Variants in RAB36 observed in about 807,000 individuals in gnomAD.
The protein encoded by RAB36 is ras-related protein Rab-36.
RAB36 carries 33 observed loss-of-function variants against 39.3 expected under a neutral mutation model. That is an observed-to-expected ratio of 0.84 (90% CI 0.64 to 1.12). The LOEUF is 1.12. Ranked by LOEUF, RAB36 falls within the 50% of genes most tolerant of loss-of-function variation. The pLI, the probability that RAB36 is intolerant of heterozygous loss-of-function variation, is 0.00. For missense variants in RAB36, 308 were observed against 355.3 expected, an observed-to-expected ratio of 0.87 and a Z score of 1.07; for synonymous variants, 133 against 140.2, an observed-to-expected ratio of 0.95 and a Z score of 0.36.
rs768670487 is a variant in RAB36 at position 23,158,963 on chromosome 22, C to T, written c.512C>T (p.Thr171Ile). 3.1e-5 allele frequency: 50 copies of T among 1,614,060 alleles called. No homozygotes were observed. The highest frequency in any genetic ancestry group is 4.0e-5 in the Non-Finnish European group (47 of 1,180,006). The stretch of plus-strand genomic sequence containing the variant: ...TCCTGCTTCATCTTCCTCGTGGGAA[C>T]CAAGAAGGACCTTCTGGTGAGCAGA... The part of the protein sequence containing the change: ...AGSCFIFLVG[T>I]KKDLLSGAAC... Residue 171 changes from threonine to isoleucine, a missense_variant, in exon 8 of 11, where the codon ACC (threonine) becomes ATC (isoleucine). Physicochemically the swap from Thr to Ile is moderately conservative, Grantham distance 89. Coordinates refer to ENST00000263116, the MANE Select transcript of RAB36 (RefSeq NM_004914.5).
chr22:23,161,734 C>T lies in RAB36; in HGVS notation c.*170C>T, dbSNP rs556791964. ...CGGGCTCAGCTCCAGGGCACAGTCA[C>T]TTGTCCGTTGCAGGTTGGGCACTAG... On this transcript the variant is annotated 3_prime_UTR_variant, in exon 11 of 11. Coordinates refer to ENST00000263116, the MANE Select transcript of RAB36 (RefSeq NM_004914.5). 6 of 612,616 alleles carry T rather than the reference C, an allele frequency of 9.8e-6. 1 individual carries two copies. Among genetic ancestry groups the T allele is most frequent in the Admixed American group, 5.9e-5 (2 of 33,728 alleles). 37.9% of individuals were successfully genotyped at this position (612,616 alleles called of 1,614,324 possible).
At chr22:23,146,161 A>G in intron 1 of RAB36, 1 of 299,096 alleles carries the variant, frequency 3.3e-6, no homozygotes, top group Non-Finnish European at 4.9e-6. Context: ...AGATTGAGAG[A>G]AATGGCCTCT....
chr22:23,150,781 C>T (rs746957448), intron 3 of RAB36, among the ~76,000 whole-genome samples: 3 of 152,182 alleles, frequency 2.0e-5, no homozygotes, highest in Admixed American at 6.5e-5. Flanking sequence ...CAGGTCTCAG[C>T]GTGTCAAGTC....
downstream of RAB36, among the ~76,000 whole-genome samples, chr22:23,168,705 C>T (rs559388437): frequency 1.1e-4 from 17 of 152,310 alleles, 1 homozygote; most frequent in Admixed American, 1.0e-3. Flanking sequence ...TGGCCTCCTC[C>T]CCTTTGTCCA....
At chr22:23,152,385 G>A in intron 3 of RAB36, 76 bp from the exon 4 acceptor site, 1 of 1,479,792 alleles carries the variant, frequency 6.8e-7, no homozygotes, top group Non-Finnish European at 9.4e-7. Flanking sequence ...GAGAGCTCAG[G>A]GAAGGAAGGG....
chr22:23,161,078 G>A (rs2071758130), intron 10 of RAB36, 80 bp downstream of exon 10: 3 of 1,503,408 alleles, frequency 2.0e-6, no homozygotes, highest in Non-Finnish European at 2.7e-6. Flanking sequence ...CGTCACCTGA[G>A]GCCTTGCCAT....
chr22:23,165,371 C>A lies in RAB36; in HGVS notation c.*3807C>A, dbSNP rs943596069. ...TTGTGCCTCATCCCTCACTTGCAAA[C>A]CCCAGTCCTGTCTGACCCAGAGACC... On this transcript the variant is annotated 3_prime_UTR_variant, in exon 11 of 11. Coordinates refer to ENST00000263116, the MANE Select transcript of RAB36 (RefSeq NM_004914.5). 6.6e-6 allele frequency among the ~76,000 whole-genome samples: 1 copy of A among 152,210 alleles called. No individual in the cohort carries two copies. Among genetic ancestry groups the A allele is most frequent in the African/African-American group, 2.4e-5 (1 of 41,450 alleles).
At chr22:23,157,887 GGGGGGCTGCCCTGGCAGTTC>G in intron 6 of RAB36, 85 bp from the exon 7 acceptor site, 2 of 1,580,086 alleles carry the variant, frequency 1.3e-6, no homozygotes, top group Non-Finnish European at 1.7e-6. Context: ...GTGCCTGGTT[GGGGGGCTGCCCTGGCAGTTC>G]CTTGGGAGCT....
chr22:23,153,570 A>G, intron 5 of RAB36: 1 of 985,260 alleles, frequency 1.0e-6, no homozygotes, highest in South Asian at 4.7e-5. Flanking sequence ...AGGCTTGGGC[A>G]AGGAGGGCTG....
chr22:23,166,968 G>C (rs906353693), downstream of RAB36, among the ~76,000 whole-genome samples: 1 of 152,074 alleles, frequency 6.6e-6, no homozygotes, highest in Non-Finnish European at 1.5e-5. Flanking sequence ...CTGGAAGCTC[G>C]TTTAACCACA....
Position 23,158,185 on chromosome 22 carries a change from G to C in RAB36, c.446+142G>C, listed in dbSNP as rs1004932. The C allele has an allele frequency of 8.3e-3, 12,447 of 1,496,694 alleles. 890 individuals are homozygous for C. In the African/African-American group the frequency reaches 0.15, roughly 19 times the overall value. 92.7% of individuals were successfully genotyped at this position (1,496,694 alleles called of 1,614,324 possible). ...CCCTTGTCAGAACCAGCTGCCCACGGACTACTTACTGTCCAACTGCCTTTA... is the reference window on the plus strand; with the variant it reads ...CCCTTGTCAGAACCAGCTGCCCACGCACTACTTACTGTCCAACTGCCTTTA... On this transcript the variant is annotated intron_variant, in intron 7 of 10. Coordinates refer to ENST00000263116, the MANE Select transcript of RAB36 (RefSeq NM_004914.5).
At chr22:23,161,105 CCT>C in intron 10 of RAB36, 107 bp downstream of exon 10, 2 of 1,348,962 alleles carry the variant, frequency 1.5e-6, no homozygotes, top group East Asian at 4.8e-5. Context: ...AACTTGTGGC[CCT>C]CTCCTGTCCT....
intron 7 of RAB36, 89 bp from the exon 8 acceptor site, chr22:23,158,809 A>C: frequency 8.6e-7 from 1 of 1,163,842 alleles, no homozygotes. Flanking sequence ...CCAGCACTTC[A>C]GCCCTGGGGA....
Position 23,145,514 on chromosome 22 carries a change from C to T in RAB36, c.-50C>T, listed in dbSNP as rs9624036. The T allele has an allele frequency of 1.2e-3, 1,911 of 1,605,168 alleles. 29 individuals carry two copies. The African/African-American group carries it at 0.023, about 19-fold the overall frequency. On this transcript the variant is annotated 5_prime_UTR_variant, in exon 1 of 11. Transcript: ENST00000263116. ...ATCGCCGCCGCTGGCTCAGGCGGACCAGGCCGCGCGGAGCCCCAGCTTTCA... is the reference window on the plus strand; with the variant it reads ...ATCGCCGCCGCTGGCTCAGGCGGACTAGGCCGCGCGGAGCCCCAGCTTTCA...
At chr22:23,147,399 T>C (rs1262928605) in intron 2 of RAB36, among the ~76,000 whole-genome samples, 1 of 151,944 alleles carries the variant, frequency 6.6e-6, no homozygotes, top group Non-Finnish European at 1.5e-5. Context: ...AATGGTGCCA[T>C]CATAATTCAC....
chr22:23,154,137 C>G (rs966297924), intron 5 of RAB36, among the ~76,000 whole-genome samples: 14 of 152,148 alleles, frequency 9.2e-5, no homozygotes, highest in Non-Finnish European at 1.5e-5. Flanking sequence ...GGTAGCTTCC[C>G]TCTGCCCCGG....
At chr22:23,155,030 CAGG>C (rs933216037) in intron 5 of RAB36, among the ~76,000 whole-genome samples, 4 of 152,044 alleles carry the variant, frequency 2.6e-5, no homozygotes, top group Non-Finnish European at 5.9e-5. Flanking sequence ...GAGGCTGAGG[CAGG>C]AGAATTGCTT....
Position 23,145,477 on chromosome 22 carries a change from G to T in RAB36, c.-87G>T. On this transcript the variant is annotated 5_prime_UTR_variant, in exon 1 of 11. Transcript: ENST00000263116. ...AGCCCGCAGGTCCCGCGTGGCTCTC[G>T]TTGCCATGGTGATCGCCGCCGCTGG... 1 of 1,609,214 alleles carries T rather than the reference G, an allele frequency of 6.2e-7. No individual in the cohort carries two copies. Among genetic ancestry groups the T allele is most frequent in the Non-Finnish European group, 8.5e-7 (1 of 1,179,852 alleles).
intron 2 of RAB36, 72 bp from the exon 3 acceptor site, chr22:23,149,991 C>T (rs1984243186): frequency 4.1e-6 from 5 of 1,231,106 alleles, no homozygotes; most frequent in Non-Finnish European, 4.7e-6. Context: ...ATCATCTCCC[C>T]TCACTGCTTG....
Sources: allele counts gnomAD v4.1 joint callset (sites outside exome capture counted in the v4.1 genomes callset), GRCh38; gene constraint gnomAD v4.1.1; transcripts MANE v1.5; gene names NCBI Gene and HGNC (gene_info 2026-07-23, HGNC 2026-07-21).